CTBP2: variants seen among roughly 807,000 people sequenced by gnomAD.
The protein encoded by CTBP2 is C-terminal binding protein 2, also known as C-terminal-binding protein 2.
In CTBP2, 30 loss-of-function variants were observed where a neutral mutation model predicts 80.3. The observed-to-expected ratio is 0.37, with a 90% CI of 0.28 to 0.51. The LOEUF (loss-of-function observed/expected upper bound fraction) is 0.51, where lower values mean the gene tolerates loss of function less well. Among genes scored for constraint, CTBP2 ranks in the 20% least tolerant of loss-of-function variants. The probability of loss-of-function intolerance (pLI) is 0.93; values close to 1 mark genes in which losing one functional copy is unlikely to be tolerated. For synonymous variants in CTBP2, 594 were observed against 587.4 expected, an observed-to-expected ratio of 1.01 and a Z score of -0.16; for missense variants, 1,212 against 1,375.3, an observed-to-expected ratio of 0.88 and a Z score of 1.88.
chr10:125,008,610 A>G (rs1256992588), intron 1 of CTBP2, among the ~76,000 whole-genome samples: 1 of 152,258 alleles, frequency 6.6e-6, no homozygotes, highest in Non-Finnish European at 1.5e-5. Context: ...CGGGAGATCC[A>G]GGCAGGTCTT....
intron 1 of CTBP2, among the ~76,000 whole-genome samples, chr10:125,159,240 C>T (rs1861497684): frequency 6.6e-6 from 1 of 150,470 alleles, no homozygotes; most frequent in East Asian, 2.0e-4. Context: ...GGGGCGCGCC[C>T]TAGCCAGCCC....
At chr10:125,161,481 C>T (rs1015760375), upstream of CTBP2, among the ~76,000 whole-genome samples, 1 of 152,036 alleles carries the variant, frequency 6.6e-6, no homozygotes, top group Non-Finnish European at 1.5e-5. Context: ...GCCCCCTTCC[C>T]GGCCCCCGGG....
intron 1 of CTBP2, among the ~76,000 whole-genome samples, chr10:125,134,416 C>T (rs1856642808): frequency 1.3e-5 from 2 of 152,134 alleles, no homozygotes; most frequent in Admixed American, 1.3e-4. Flanking sequence ...CTGTAGGGAC[C>T]GCCTGGTGGG....
At chr10:125,159,524 C>A (rs1286864027) in intron 1 of CTBP2, among the ~76,000 whole-genome samples, 1 of 148,798 alleles carries the variant, frequency 6.7e-6, no homozygotes, top group African/African-American at 2.4e-5. Context: ...GCAGATGTGG[C>A]CCGGCTGCCC....
intron 2 of CTBP2, among the ~76,000 whole-genome samples, chr10:125,059,942 A>C (rs1217304829): frequency 6.6e-6 from 1 of 152,144 alleles, no homozygotes; most frequent in Non-Finnish European, 1.5e-5. Context: ...AGGACAGAAA[A>C]GGCTCACCTG....
At chr10:125,018,119 G>C (rs1265098853) in intron 1 of CTBP2, among the ~76,000 whole-genome samples, 2 of 152,194 alleles carry the variant, frequency 1.3e-5, no homozygotes, top group African/African-American at 2.4e-5. Context: ...TCATGGCATG[G>C]GCCACCCCCT....
intron 4 of CTBP2, 60 bp from the exon 7 acceptor site, chr10:124,994,743 C>CGCG: frequency 7.2e-6 from 11 of 1,534,828 alleles, no homozygotes; most frequent in Non-Finnish European, 7.2e-6. Flanking sequence ...AGCGCTGCCA[C>CGCG]CTCCATTGCT....
At chr10:125,102,492 T>C (rs1850785105) in intron 2 of CTBP2, among the ~76,000 whole-genome samples, 1 of 152,294 alleles carries the variant, frequency 6.6e-6, no homozygotes, top group Non-Finnish European at 1.5e-5. Flanking sequence ...GCCTCTGCAG[T>C]GCTGCCACTT....
At chr10:125,151,863 G>A (rs1003380086) in intron 1 of CTBP2, among the ~76,000 whole-genome samples, 115 of 152,304 alleles carry the variant, frequency 7.6e-4, no homozygotes, top group Non-Finnish European at 1.5e-3. Context: ...CCGGGTCCGA[G>A]CGGCCCCGCC....
intron 3 of CTBP2, among the ~76,000 whole-genome samples, chr10:125,034,509 C>A (rs139317426): frequency 0.023 from 3,508 of 152,210 alleles, 53 homozygotes; most frequent in Non-Finnish European, 0.036. Context: ...CACATAATTG[C>A]TGGAAATGTG....
chr10:124,999,142 G>A (rs1954077438), intron 3 of CTBP2: 1 of 152,330 alleles, frequency 6.6e-6, no homozygotes, highest in South Asian at 2.1e-4. Context: ...CGAGCCAGGG[G>A]CGGGGCCCCA....
intron 1 of CTBP2, among the ~76,000 whole-genome samples, chr10:125,117,848 G>A (rs1411641436): frequency 2.0e-5 from 3 of 152,270 alleles, no homozygotes; most frequent in South Asian, 2.1e-4. Context: ...ATACAGCCAC[G>A]TTGGCACAGA....
chr10:125,126,722 T>C (rs1204371481), intron 1 of CTBP2, among the ~76,000 whole-genome samples: 1 of 146,650 alleles, frequency 6.8e-6, no homozygotes, highest in Non-Finnish European at 1.5e-5. Flanking sequence ...ATCAAGCTTT[T>C]ATTCTGATCA....
At chr10:125,088,731 G>A (rs1848358719) in intron 2 of CTBP2, among the ~76,000 whole-genome samples, 1 of 152,178 alleles carries the variant, frequency 6.6e-6, no homozygotes, top group Non-Finnish European at 1.5e-5. Flanking sequence ...TAACAATTGA[G>A]TTTTGTTAAC....
intron 1 of CTBP2, among the ~76,000 whole-genome samples, chr10:125,008,894 G>A (rs1370837871): frequency 6.6e-6 from 1 of 152,222 alleles, no homozygotes; most frequent in Non-Finnish European, 1.5e-5. Flanking sequence ...GCAAGCATTA[G>A]GTCATAGCCT....
upstream of CTBP2, among the ~76,000 whole-genome samples, chr10:125,161,571 G>A (rs1176411970): frequency 6.6e-6 from 1 of 152,162 alleles, no homozygotes; most frequent in African/African-American, 2.4e-5. Flanking sequence ...CCGGCCACAG[G>A]GGGCACTTGC....
intron 1 of CTBP2, chr10:125,122,535 T>C (rs141718676): frequency 7.9e-5 from 12 of 152,374 alleles, no homozygotes; most frequent in Admixed American, 7.8e-4. Flanking sequence ...ACACGTATTA[T>C]TATTCTGAGA....
At chr10:125,021,240 C>T (rs139823970) in intron 1 of CTBP2, among the ~76,000 whole-genome samples, 82 of 152,340 alleles carry the variant, frequency 5.4e-4, no homozygotes, top group African/African-American at 1.9e-3. Flanking sequence ...CACACAAGCC[C>T]TCTCTTCCTT....
chr10:125,107,078 G>A (rs938541088), intron 2 of CTBP2, among the ~76,000 whole-genome samples: 17 of 152,214 alleles, frequency 1.1e-4, no homozygotes, highest in African/African-American at 2.2e-4. Flanking sequence ...CTGGGATTCC[G>A]AAGCATAACT....
Sources: gnomAD v4.1 joint callset for allele counts (sites outside exome capture counted in the v4.1 genomes callset) on GRCh38, gnomAD v4.1.1 for gene constraint, MANE v1.5 for transcripts, NCBI Gene and HGNC (gene_info 2026-07-23, HGNC 2026-07-21) for gene names.